Variants in CAMK1D observed in about 807,000 individuals in gnomAD.
CAMK1D encodes calcium/calmodulin-dependent protein kinase type 1D.
Under a neutral mutation model 47.7 loss-of-function variants are expected in CAMK1D, and 9 were observed. The ratio of observed to expected loss-of-function variants is 0.19; its 90% CI spans 0.11 to 0.33. CAMK1D has a LOEUF of 0.33. Among genes scored for constraint, CAMK1D ranks in the 10% least tolerant of loss-of-function variants. The probability of loss-of-function intolerance (pLI) is 1.00; values close to 1 mark genes in which losing one functional copy is unlikely to be tolerated. For synonymous variants in CAMK1D, 184 were observed against 184.9 expected (o/e 0.99, Z 0.04); for missense variants, 291 against 488.7 (o/e 0.60, Z 3.81).
intron 1 of CAMK1D, among the ~76,000 whole-genome samples, chr10:12,468,567 G>A (rs942147680): frequency 1.3e-5 from 2 of 152,156 alleles, no homozygotes; most frequent in South Asian, 4.1e-4. Flanking sequence ...GTCCTGGAGT[G>A]GCATGGCATG....
intron 3 of CAMK1D, among the ~76,000 whole-genome samples, chr10:12,739,336 C>T (rs971777600): frequency 3.3e-5 from 5 of 151,778 alleles, no homozygotes; most frequent in African/African-American, 7.3e-5. Context: ...AGCACAGTTG[C>T]GCCATCTTGG....
intron 1 of CAMK1D, among the ~76,000 whole-genome samples, chr10:12,413,914 A>C (rs943879923): frequency 6.6e-6 from 1 of 152,208 alleles, no homozygotes; most frequent in Non-Finnish European, 1.5e-5. Context: ...CAAATGTATT[A>C]AATGGAAGGG....
At chr10:12,644,392 C>T (rs898476961) in intron 2 of CAMK1D, among the ~76,000 whole-genome samples, 3 of 152,198 alleles carry the variant, frequency 2.0e-5, no homozygotes, top group African/African-American at 4.8e-5. Flanking sequence ...AGTCAATTCC[C>T]TTCATTTTTT....
chr10:12,782,640 G>T (rs556780554), intron 5 of CAMK1D, among the ~76,000 whole-genome samples: 13 of 152,166 alleles, frequency 8.5e-5, no homozygotes, highest in Non-Finnish European at 4.4e-5. Context: ...CCACCAGCAG[G>T]GGGGGCATCG....
intron 1 of CAMK1D, among the ~76,000 whole-genome samples, chr10:12,485,285 G>A (rs1052314196): frequency 3.3e-5 from 5 of 152,184 alleles, no homozygotes; most frequent in African/African-American, 1.2e-4. Flanking sequence ...CCTCTCGGCT[G>A]TCCCTGGGGA....
intron 1 of CAMK1D, among the ~76,000 whole-genome samples, chr10:12,389,234 G>C (rs1838633088): frequency 1.3e-5 from 2 of 152,198 alleles, no homozygotes; most frequent in African/African-American, 2.4e-5. Flanking sequence ...TGCAGAGGGG[G>C]CTGAGGGGCT....
At chr10:12,555,107 G>A (rs1301532901) in intron 2 of CAMK1D, among the ~76,000 whole-genome samples, 1 of 152,230 alleles carries the variant, frequency 6.6e-6, no homozygotes, top group Non-Finnish European at 1.5e-5. Flanking sequence ...TCAGCACATA[G>A]CAAGAATCTC....
At chr10:12,439,311 C>T (rs926097536) in intron 1 of CAMK1D, among the ~76,000 whole-genome samples, 4 of 152,222 alleles carry the variant, frequency 2.6e-5, no homozygotes, top group Non-Finnish European at 5.9e-5. Context: ...TTATCGAAAA[C>T]TCCCATCTGT....
intron 1 of CAMK1D, among the ~76,000 whole-genome samples, chr10:12,453,753 C>T (rs568977960): frequency 3.3e-5 from 5 of 152,202 alleles, no homozygotes; most frequent in Non-Finnish European, 5.9e-5. Flanking sequence ...TTATCCAAAA[C>T]CCCTAAAGTT....
At chr10:12,547,114 G>A (rs769413277) in intron 1 of CAMK1D, among the ~76,000 whole-genome samples, 12 of 152,310 alleles carry the variant, frequency 7.9e-5, no homozygotes, top group South Asian at 4.1e-4. Context: ...GATGTTTGAA[G>A]GGAGGAAGAG....
intron 5 of CAMK1D, among the ~76,000 whole-genome samples, chr10:12,783,719 G>A (rs546371231): frequency 1.3e-5 from 2 of 152,246 alleles, no homozygotes; most frequent in African/African-American, 4.8e-5. Context: ...AAGATGAAAG[G>A]TTTCTGAAAC....
chr10:12,667,031 C>T, intron 3 of CAMK1D: 1 of 507,130 alleles, frequency 2.0e-6, no homozygotes, highest in African/African-American at 1.9e-5. Flanking sequence ...CTGGGCTGGA[C>T]TGATAACCTA....
At chr10:12,802,081 A>G (rs530114208) in intron 6 of CAMK1D, among the ~76,000 whole-genome samples, 47 of 152,314 alleles carry the variant, frequency 3.1e-4, no homozygotes, top group Non-Finnish European at 3.7e-4. Context: ...GCCATTAACT[A>G]ATGATTATTC....
intron 3 of CAMK1D, among the ~76,000 whole-genome samples, chr10:12,709,694 T>G (rs939040831): frequency 1.3e-5 from 2 of 152,170 alleles, no homozygotes; most frequent in Non-Finnish European, 2.9e-5. Flanking sequence ...TTCAGTTTCC[T>G]CTCTGTAGCA....
chr10:12,712,476 TG>T (rs142605500), intron 3 of CAMK1D, among the ~76,000 whole-genome samples: 9,724 of 152,300 alleles, frequency 0.064, 451 homozygotes, highest in Non-Finnish European at 0.092. Flanking sequence ...CTCACAGTTC[TG>T]GAGGGTGGAA....
chr10:12,525,514 T>C (rs1288272886), intron 1 of CAMK1D, among the ~76,000 whole-genome samples: 2 of 152,214 alleles, frequency 1.3e-5, no homozygotes, highest in Non-Finnish European at 2.9e-5. Context: ...ACTCATCTAG[T>C]GAATTTTTAA....
chr10:12,450,403 A>G (rs777959333), intron 1 of CAMK1D, among the ~76,000 whole-genome samples: 4 of 152,244 alleles, frequency 2.6e-5, no homozygotes, highest in Non-Finnish European at 5.9e-5. Flanking sequence ...GTTTAATACC[A>G]TTAGGAAGAG....
intron 1 of CAMK1D, among the ~76,000 whole-genome samples, chr10:12,512,453 T>C (rs1379376469): frequency 6.6e-6 from 1 of 152,222 alleles, no homozygotes; most frequent in African/African-American, 2.4e-5. Flanking sequence ...TGGAATGCAG[T>C]GATGCAATCT....
Position 12,374,223 on chromosome 10 carries a change from G to A in CAMK1D, c.92+24313G>A, listed in dbSNP as rs113194613. ...TGCAGTGAGCCAAGATTGCACCACT[G>A]CACTCCAGCCTTGTGACAGAGCGAG... On this transcript the variant is annotated intron_variant, in intron 1 of 10. Transcript: ENST00000619168. 3.3e-3 allele frequency among the ~76,000 whole-genome samples: 431 copies of A among 128,964 alleles called. 6 individuals are homozygous for A. The highest frequency in any genetic ancestry group is 0.012 in the African/African-American group (412 of 33,280). 84.6% of individuals were successfully genotyped at this position (128,964 alleles called of 152,430 possible). A position where few individuals can be genotyped will look rare whatever the true frequency, so the allele number is the denominator to read the frequency against.
Sources: gnomAD v4.1 joint callset for allele counts (sites outside exome capture counted in the v4.1 genomes callset) on GRCh38, gnomAD v4.1.1 for gene constraint, MANE v1.5 for transcripts, NCBI Gene and HGNC (gene_info 2026-07-23, HGNC 2026-07-21) for gene names.